Variants in SNTG1 observed in about 807,000 individuals in gnomAD.
SNTG1 encodes the protein syntrophin gamma 1.
In SNTG1, 39 loss-of-function variants were observed where a neutral mutation model predicts 74.7. That is an observed-to-expected ratio of 0.52 (90% CI 0.40 to 0.68). The LOEUF (loss-of-function observed/expected upper bound fraction) is 0.68, where lower values mean the gene tolerates loss of function less well. SNTG1 is among the 30% of genes least tolerant of loss of function. The pLI is 0.00. For missense variants in SNTG1, 685 were observed against 609.5 expected (o/e 1.12, Z -1.30); for synonymous variants, 254 against 217.1 (o/e 1.17, Z -1.49).
intron 12 of SNTG1, among the ~76,000 whole-genome samples, chr8:50,581,783 G>A (rs1184751161): frequency 6.6e-6 from 1 of 152,156 alleles, no homozygotes; most frequent in Non-Finnish European, 1.5e-5. Flanking sequence ...ACAGACTCAA[G>A]CTCAGTTCGT....
At chr8:50,683,524 A>G (rs2095339554) in intron 15 of SNTG1, among the ~76,000 whole-genome samples, 1 of 152,132 alleles carries the variant, frequency 6.6e-6, no homozygotes, top group South Asian at 2.1e-4. Flanking sequence ...AATTGAACAC[A>G]TTTTATGAGA....
chr8:50,068,126 C>T (rs567817337), intron 1 of SNTG1, among the ~76,000 whole-genome samples: 5 of 152,116 alleles, frequency 3.3e-5, no homozygotes, highest in Non-Finnish European at 7.4e-5. Flanking sequence ...GAACAGAACG[C>T]AATCAGTTTT....
At chr8:50,141,898 G>T (rs1323787087) in intron 1 of SNTG1, among the ~76,000 whole-genome samples, 1 of 151,838 alleles carries the variant, frequency 6.6e-6, no homozygotes, top group African/African-American at 2.4e-5. Flanking sequence ...TAAAAGCTGG[G>T]CATATATATG....
At chr8:50,487,505 G>T (rs1037242235) in intron 8 of SNTG1, among the ~76,000 whole-genome samples, 1 of 152,112 alleles carries the variant, frequency 6.6e-6, no homozygotes, top group African/African-American at 2.4e-5. Context: ...ATACTATGCA[G>T]CCATAAAAAA....
At position 50,206,841 on chromosome 8, in the gene SNTG1, T is replaced by G. The variant is rs143556421; in HGVS notation, c.-28+34206T>G. ...GAGACAATCATGTGGTTTTTGTCTT[T>G]GGTTCTGTTTATATGATGGATTACG... On this transcript the variant is annotated intron_variant, in intron 2 of 18. Transcript: ENST00000642720. Among the ~76,000 whole-genome samples, 1,235 of 152,348 alleles carry G rather than the reference T, an allele frequency of 8.1e-3. 21 individuals are homozygous for G. The highest frequency in any genetic ancestry group is 0.029 in the African/African-American group (1,186 of 41,580).
intron 1 of SNTG1, among the ~76,000 whole-genome samples, chr8:49,950,911 T>C (rs752288315): frequency 6.6e-5 from 10 of 152,204 alleles, no homozygotes; most frequent in Non-Finnish European, 1.3e-4. Context: ...TGTGATGCTG[T>C]GCAATTCTTT....
At chr8:50,357,159 C>G (rs574386668) in intron 2 of SNTG1, among the ~76,000 whole-genome samples, 1 of 152,184 alleles carries the variant, frequency 6.6e-6, no homozygotes, top group African/African-American at 2.4e-5. Context: ...CAGCCATACT[C>G]CTTGGTGTGG....
intron 1 of SNTG1, among the ~76,000 whole-genome samples, chr8:50,107,441 TA>T (rs1369575775): frequency 1.3e-5 from 2 of 152,208 alleles, no homozygotes; most frequent in Admixed American, 1.3e-4. Context: ...CTTCTTTAAT[TA>T]TGTTATATTT....
At chr8:50,595,112 A>T (rs2130897220) in intron 13 of SNTG1, among the ~76,000 whole-genome samples, 1 of 149,994 alleles carries the variant, frequency 6.7e-6, no homozygotes, top group South Asian at 2.1e-4. Context: ...ATTTTTGGGG[A>T]ATGTCAAAAA....
intron 2 of SNTG1, among the ~76,000 whole-genome samples, chr8:50,212,815 C>A (rs957484880): frequency 6.6e-6 from 1 of 152,118 alleles, no homozygotes; most frequent in Non-Finnish European, 1.5e-5. Context: ...TTCAAAAGTG[C>A]CATTCAGTTT....
Position 50,035,027 on chromosome 8 carries a change from T to C in SNTG1, c.-103+122796T>C, listed in dbSNP as rs73571331. Among the ~76,000 whole-genome samples, 404 of 152,272 alleles carry C rather than the reference T, an allele frequency of 2.7e-3. 2 individuals carry two copies. The highest frequency in any genetic ancestry group is 9.2e-3 in the African/African-American group (383 of 41,544). ...ACTCCAAGTTGTCTTTCTGGCTGGG[T>C]GATGCCCCACATAGTTCCCACTAGA... On this transcript the variant is annotated intron_variant, in intron 1 of 18. Coordinates refer to ENST00000642720, the MANE Select transcript of SNTG1 (RefSeq NM_018967.5).
intron 1 of SNTG1, among the ~76,000 whole-genome samples, chr8:50,106,587 A>G (rs945060955): frequency 3.3e-5 from 5 of 152,234 alleles, no homozygotes; most frequent in Middle Eastern, 3.4e-3. Flanking sequence ...ACTTTCCTTC[A>G]ATGCCTAGTT....
chr8:50,324,393 C>T (rs919741283), intron 2 of SNTG1, among the ~76,000 whole-genome samples: 1 of 152,170 alleles, frequency 6.6e-6, no homozygotes, highest in Non-Finnish European at 1.5e-5. Flanking sequence ...CGGCCCTCCT[C>T]AATACTCTTT....
In SNTG1 at chr8:50,120,975, T is replaced by G. The variant is rs562069692; in HGVS notation, c.-102-51586T>G. On this transcript the variant is annotated intron_variant, in intron 1 of 18. Transcript: ENST00000642720. ...ACGTATCGTAGGACAATCTGACTTA[T>G]AGGAAACACTGAGCTGCTTTTGCTC... Among the ~76,000 whole-genome samples the G allele has an allele frequency of 9.1e-5, 13 of 142,102 alleles. 2 individuals carry two copies. The East Asian group carries it at 2.2e-3, about 24-fold the overall frequency. The allele number at this position is 142,102 out of a possible 152,430, so 93.2% of individuals were successfully genotyped here.
rs1033486851 is a variant in SNTG1, at chr8:50,711,313, T to G, written c.1284+2335T>G. 2.0e-5 allele frequency among the ~76,000 whole-genome samples: 3 copies of G among 151,890 alleles called. No homozygotes were observed. The South Asian group carries it at 6.2e-4, about 31-fold the overall frequency. Reference sequence around the variant, plus strand: ...ATCTTTAAGACTATATGTCCAAGAGTTTTTGAATGTTTGGATTCAGGAGAG... The same window carrying G: ...ATCTTTAAGACTATATGTCCAAGAGGTTTTGAATGTTTGGATTCAGGAGAG... On this transcript the variant is annotated intron_variant, in intron 17 of 18. Coordinates refer to ENST00000642720, the MANE Select transcript of SNTG1 (RefSeq NM_018967.5).
At chr8:50,365,167 G>A (rs1013909283) in intron 2 of SNTG1, among the ~76,000 whole-genome samples, 2 of 151,942 alleles carry the variant, frequency 1.3e-5, no homozygotes, top group African/African-American at 4.8e-5. Flanking sequence ...AGAAAAATTC[G>A]AGTGGAAAAA....
At chr8:50,328,443 G>A (rs962841548) in intron 2 of SNTG1, among the ~76,000 whole-genome samples, 1 of 152,292 alleles carries the variant, frequency 6.6e-6, no homozygotes, top group African/African-American at 2.4e-5. Flanking sequence ...TTGACCTACA[G>A]TTCTGCATGG....
intron 1 of SNTG1, among the ~76,000 whole-genome samples, chr8:50,030,531 A>C (rs928218240): frequency 6.6e-6 from 1 of 152,010 alleles, no homozygotes; most frequent in African/African-American, 2.4e-5. Context: ...ATATGGTATA[A>C]GGTTTAATTA....
intron 2 of SNTG1, among the ~76,000 whole-genome samples, chr8:50,179,852 A>T (rs2083136903): frequency 6.6e-6 from 1 of 152,194 alleles, no homozygotes; most frequent in Non-Finnish European, 1.5e-5. Flanking sequence ...TGGAACAGCT[A>T]TTGTGAAAAA....
Sources: gnomAD v4.1 joint callset for allele counts (sites outside exome capture counted in the v4.1 genomes callset) on GRCh38, gnomAD v4.1.1 for gene constraint, MANE v1.5 for transcripts, NCBI Gene and HGNC (gene_info 2026-07-23, HGNC 2026-07-21) for gene names.